CNTN5: variants seen among roughly 807,000 people sequenced by gnomAD.
The protein encoded by CNTN5 is contactin-5.
In CNTN5, 77 loss-of-function variants were observed where a neutral mutation model predicts 129.1. The observed-to-expected ratio is 0.60, with a 90% confidence interval of 0.50 to 0.72. CNTN5 has a LOEUF of 0.72. CNTN5 is among the 30% of genes least tolerant of loss of function. The pLI is 0.00. For synonymous variants in CNTN5, 509 were observed against 465.6 expected, an observed-to-expected ratio of 1.09 and a Z score of -1.20; for missense variants, 1,478 against 1,328.8, an observed-to-expected ratio of 1.11 and a Z score of -1.75.
chr11:99,069,289 G>T (rs900027884), intron 1 of CNTN5, among the ~76,000 whole-genome samples: 3 of 151,988 alleles, frequency 2.0e-5, no homozygotes, highest in Admixed American at 1.3e-4. Flanking sequence ...AAATGAACCA[G>T]GCCAGGCGAG....
intron 3 of CNTN5, among the ~76,000 whole-genome samples, chr11:99,784,616 A>G (rs761268046): frequency 1.3e-5 from 2 of 151,962 alleles, no homozygotes; most frequent in Non-Finnish European, 2.9e-5. Flanking sequence ...GTCAAATGGT[A>G]TTTCTGGTTC....
intron 13 of CNTN5, among the ~76,000 whole-genome samples, chr11:100,177,484 A>T (rs1948003885): frequency 6.6e-6 from 1 of 152,036 alleles, no homozygotes. Context: ...TTTAGAAACT[A>T]CTCAATGTGT....
chr11:99,205,386 C>A (rs921549575), intron 1 of CNTN5, among the ~76,000 whole-genome samples: 1 of 152,122 alleles, frequency 6.6e-6, no homozygotes, highest in Non-Finnish European at 1.5e-5. Context: ...GCTCTCAAGA[C>A]CCAGAGCTTA....
At chr11:100,330,331 G>A (rs555079576) in intron 21 of CNTN5, among the ~76,000 whole-genome samples, 1 of 152,310 alleles carries the variant, frequency 6.6e-6, no homozygotes, top group African/African-American at 2.4e-5. Flanking sequence ...TTGGGACTAT[G>A]TTAAATGGAT....
At chr11:100,041,333 C>T (rs899666112) in intron 9 of CNTN5, among the ~76,000 whole-genome samples, 1 of 152,200 alleles carries the variant, frequency 6.6e-6, no homozygotes, top group Non-Finnish European at 1.5e-5. Flanking sequence ...GTCCAATATT[C>T]TTTAAGTCAT....
intron 1 of CNTN5, among the ~76,000 whole-genome samples, chr11:99,126,760 C>T (rs1047883827): frequency 1.4e-4 from 21 of 152,168 alleles, no homozygotes; most frequent in African/African-American, 1.9e-4. Context: ...ATCACTTTAA[C>T]CTTTCAAAAT....
intron 8 of CNTN5, among the ~76,000 whole-genome samples, chr11:99,992,124 C>T (rs975797891): frequency 3.3e-5 from 5 of 152,136 alleles, no homozygotes; most frequent in Non-Finnish European, 5.9e-5. Flanking sequence ...TTTAGACATA[C>T]GAAAATGATC....
intron 3 of CNTN5, among the ~76,000 whole-genome samples, chr11:99,569,210 ATATC>A (rs1328606782): frequency 1.3e-5 from 2 of 152,198 alleles, no homozygotes; most frequent in Non-Finnish European, 2.9e-5. Context: ...AATAGATAAA[ATATC>A]TATCTGTTCT....
intron 2 of CNTN5, among the ~76,000 whole-genome samples, chr11:99,361,745 T>G (rs1255786777): frequency 3.3e-5 from 5 of 152,030 alleles, no homozygotes; most frequent in Admixed American, 6.6e-5. Context: ...ACACTAGCTT[T>G]TCTTTTGTGA....
At chr11:99,566,292 C>T (rs1949004284) in intron 3 of CNTN5, among the ~76,000 whole-genome samples, 2 of 152,130 alleles carry the variant, frequency 1.3e-5, no homozygotes, top group Admixed American at 6.6e-5. Flanking sequence ...TTGCTTTCTG[C>T]CATTGTTATA....
Position 99,857,832 on chromosome 11 carries a change from C to G in CNTN5, c.577+12570C>G, listed in dbSNP as rs116617658. ...TAGTTCTATAATTCTAGCAATATCT[C>G]TTTATTGATCTCCGTGGCAATAAAA... On this transcript the variant is annotated intron_variant, in intron 6 of 24. Transcript: ENST00000524871. Among the ~76,000 whole-genome samples the G allele has an allele frequency of 4.5e-3, 685 of 152,198 alleles. 4 individuals carry two copies. Among genetic ancestry groups the G allele is most frequent in the African/African-American group, 0.016 (659 of 41,538 alleles).
In CNTN5 at chr11:99,435,072, A is replaced by T. The variant is rs528194617; in HGVS notation, c.-71+109588A>T. ...ATAAATGTATTGATATATAATTCTCATATCAGTCTTTTAGTATCAATGCCA... is the reference window on the plus strand; with the variant it reads ...ATAAATGTATTGATATATAATTCTCTTATCAGTCTTTTAGTATCAATGCCA... On this transcript the variant is annotated intron_variant, in intron 2 of 24. Transcript: ENST00000524871. 7.2e-5 allele frequency among the ~76,000 whole-genome samples: 11 copies of T among 152,298 alleles called. No individual in the cohort carries two copies. In the South Asian group the frequency reaches 2.1e-3, roughly 29 times the overall value.
intron 2 of CNTN5, among the ~76,000 whole-genome samples, chr11:99,439,207 GC>G (rs149779890): frequency 0.022 from 3,346 of 152,166 alleles, 127 homozygotes; most frequent in African/African-American, 0.075. Context: ...GTCCAGTACG[GC>G]TATAGCACAG....
At chr11:99,625,058 C>A (rs636073) in intron 3 of CNTN5, among the ~76,000 whole-genome samples, 5 of 151,944 alleles carry the variant, frequency 3.3e-5, no homozygotes, top group Non-Finnish European at 7.4e-5. Context: ...CAGTGTTGGA[C>A]ACATGGCAGA....
chr11:99,978,112 G>C (rs1397565579), intron 8 of CNTN5, among the ~76,000 whole-genome samples: 1 of 152,072 alleles, frequency 6.6e-6, no homozygotes, highest in Non-Finnish European at 1.5e-5. Context: ...GCTAATTTGT[G>C]TGTTGTGTCT....
chr11:99,945,390 G>C (rs1388181325), intron 7 of CNTN5, among the ~76,000 whole-genome samples: 1 of 151,854 alleles, frequency 6.6e-6, no homozygotes, highest in Non-Finnish European at 1.5e-5. Flanking sequence ...TATATATGTA[G>C]TTTTAGGTAA....
At chr11:99,535,783 T>G (rs1947877673) in intron 2 of CNTN5, among the ~76,000 whole-genome samples, 1 of 152,186 alleles carries the variant, frequency 6.6e-6, no homozygotes, top group Non-Finnish European at 1.5e-5. Flanking sequence ...TTTGTCTAGG[T>G]TATGTTCAGT....
chr11:100,319,026 C>A (rs1951626714), intron 21 of CNTN5, among the ~76,000 whole-genome samples: 1 of 152,060 alleles, frequency 6.6e-6, no homozygotes, highest in African/African-American at 2.4e-5. Flanking sequence ...ACTTGTCTAA[C>A]CATAATCCAG....
At chr11:99,215,506 T>C (rs1289873093) in intron 1 of CNTN5, among the ~76,000 whole-genome samples, 1 of 152,146 alleles carries the variant, frequency 6.6e-6, no homozygotes, top group East Asian at 1.9e-4. Flanking sequence ...GACTCCATGA[T>C]ATTTGGTTTG....
Sources: allele counts gnomAD v4.1 joint callset (sites outside exome capture counted in the v4.1 genomes callset), GRCh38; gene constraint gnomAD v4.1.1; transcripts MANE v1.5; gene names NCBI Gene and HGNC (gene_info 2026-07-23, HGNC 2026-07-21).